STS: variants seen among roughly 807,000 people sequenced by gnomAD.
The protein encoded by STS is steryl-sulfatase.
A neutral mutation model predicts 26.8 loss-of-function variants in STS; 7 were observed. That is an observed-to-expected ratio of 0.26 (90% CI 0.15 to 0.49). The LOEUF is 0.49. Among genes scored for constraint, STS ranks in the 20% least tolerant of loss-of-function variants. The pLI, the probability that STS is intolerant of heterozygous loss-of-function variation, is 0.98. For synonymous variants in STS, 199 were observed against 189.4 expected (o/e 1.05, Z -0.42); for missense variants, 434 against 465.6 (o/e 0.93, Z 0.63).
intron 10 of STS, among the ~76,000 whole-genome samples, chrX:7,340,279 A>G (rs1928224129): frequency 9.0e-6 from 1 of 111,212 alleles, no homozygotes; most frequent in Non-Finnish European, 1.9e-5. Context: ...TTCTCCCGAA[A>G]TGTCTGCTTA....
chrX:7,333,456 TA>T (rs1927856759), intron 9 of STS, among the ~76,000 whole-genome samples: 1 of 112,129 alleles, frequency 8.9e-6, no homozygotes, highest in Non-Finnish European at 1.9e-5. Context: ...ATATATACAT[TA>T]ATTCATTCTA....
At chrX:7,322,025 G>T (rs1270689925) in intron 8 of STS, among the ~76,000 whole-genome samples, 2 of 112,430 alleles carry the variant, frequency 1.8e-5, no homozygotes, top group Non-Finnish European at 3.8e-5. Context: ...CCCTCTGAAG[G>T]TTTGCTAAAA....
intron 8 of STS, among the ~76,000 whole-genome samples, chrX:7,311,853 C>CA (rs1302953768): frequency 9.0e-6 from 1 of 110,572 alleles, no homozygotes; most frequent in Non-Finnish European, 1.9e-5. Flanking sequence ...ACTGTCTCTA[C>CA]AAAAAAACAG....
chrX:7,231,976 A>G (rs11798506), intron 2 of STS, among the ~76,000 whole-genome samples: 28,525 of 109,987 alleles, frequency 0.26, 2,889 homozygotes, highest in Admixed American at 0.42. Context: ...ATAACTTTAA[A>G]TTTGTTTTTT....
At chrX:7,328,911 G>A (rs1186050755) in intron 9 of STS, among the ~76,000 whole-genome samples, 1 of 111,325 alleles carries the variant, frequency 9.0e-6, no homozygotes, top group Non-Finnish European at 1.9e-5. Context: ...GGCCAGGCTG[G>A]TCTTGAACTC....
intron 1 of STS, among the ~76,000 whole-genome samples, chrX:7,174,879 G>A (rs1933535391): frequency 9.0e-6 from 1 of 110,998 alleles, no homozygotes. Flanking sequence ...TCCCCACCTG[G>A]CTTCACAAAG....
chrX:7,324,030 C>T (rs369627463), intron 8 of STS, among the ~76,000 whole-genome samples: 93 of 111,733 alleles, frequency 8.3e-4, no homozygotes, highest in East Asian at 1.7e-3. Flanking sequence ...GACACAGCCC[C>T]GGGAGATCCT....
At chrX:7,177,485 T>A (rs1933596390) in intron 1 of STS, among the ~76,000 whole-genome samples, 1 of 106,722 alleles carries the variant, frequency 9.4e-6, no homozygotes, top group African/African-American at 3.4e-5. Flanking sequence ...ATATATTTTT[T>A]TTTGGAGTTG....
chrX:7,258,129 GATAGATAGATA>G (rs1338778857), intron 5 of STS, among the ~76,000 whole-genome samples: 11 of 106,313 alleles, frequency 1.0e-4, no homozygotes, highest in Admixed American at 5.1e-4. Context: ...TAGATAGATA[GATAGATAGATA>G]GATAGATGCA....
intron 1 of STS, among the ~76,000 whole-genome samples, chrX:7,184,925 A>G (rs1318592161): frequency 8.9e-6 from 1 of 112,064 alleles, no homozygotes. Flanking sequence ...AACATCAGAG[A>G]GAGTCAATTC....
intron 10 of STS, 124 bp downstream of exon 10, chrX:7,334,231 C>A: frequency 1.0e-6 from 1 of 988,296 alleles, no homozygotes; most frequent in Non-Finnish European, 1.4e-6. Context: ...TCAATGTGCG[C>A]CCATGCTTTG....
chrX:7,339,382 C>T (rs766174503), intron 10 of STS, among the ~76,000 whole-genome samples: 1 of 112,500 alleles, frequency 8.9e-6, no homozygotes, highest in Non-Finnish European at 1.9e-5. Context: ...TATTTTCATC[C>T]TACTCTGTAA....
intron 5 of STS, among the ~76,000 whole-genome samples, chrX:7,258,320 GGA>G (rs1480741319): frequency 9.4e-6 from 1 of 106,432 alleles, no homozygotes; most frequent in Non-Finnish European, 2.0e-5. Flanking sequence ...ATAGATGCAG[GGA>G]GAGAGACAAA....
At chrX:7,273,379 G>T (rs925120427) in intron 6 of STS, among the ~76,000 whole-genome samples, 1 of 111,493 alleles carries the variant, frequency 9.0e-6, no homozygotes. Context: ...ATAGAGACCA[G>T]AACCCCTTCT....
At chrX:7,344,081 A>G (rs895230461) in intron 10 of STS, among the ~76,000 whole-genome samples, 2 of 112,183 alleles carry the variant, frequency 1.8e-5, no homozygotes, top group Non-Finnish European at 3.8e-5. Context: ...CATTTTATCA[A>G]AAATAAAGTT....
chrX:7,336,687 T>G (rs1928047556), intron 10 of STS, among the ~76,000 whole-genome samples: 1 of 112,387 alleles, frequency 8.9e-6, no homozygotes, highest in African/African-American at 3.2e-5. Context: ...AAATGAGAGC[T>G]CAAGGACTCT....
At position 7,210,597 on chromosome X, in the gene STS, GAATA is replaced by G. The variant is rs1169795983; in HGVS notation, c.-5+19594_-5+19597del. On this transcript the variant is annotated intron_variant, in intron 2 of 10. Transcript: ENST00000674429. ...GATGTATTTATATTTATACATAAATGAATAAATATTTTTATATTAAATGTATAAT... is the reference window on the plus strand; with the variant it reads ...GATGTATTTATATTTATACATAAATGAATATTTTTATATTAAATGTATAAT... Among the ~76,000 whole-genome samples, 36 of 103,768 alleles carry G rather than the reference GAATA, an allele frequency of 3.5e-4. 1 individual carries two copies. The highest frequency in any genetic ancestry group is 8.4e-4 in the Admixed American group (8 of 9,518). The allele number at this position is 103,768 out of a possible 115,157, so 90.1% of individuals were successfully genotyped here.
chrX:7,294,784 T>C (rs1217930283), intron 7 of STS, among the ~76,000 whole-genome samples: 1 of 111,823 alleles, frequency 8.9e-6, no homozygotes, highest in Admixed American at 9.5e-5. Flanking sequence ...GGATTGTGAA[T>C]TGAATTCAGA....
Position 7,351,216 on chromosome X carries a change from T to C in STS, c.*955T>C, listed in dbSNP as rs1782284147. 1 of 112,107 alleles carries C rather than the reference T, an allele frequency of 8.9e-6. No homozygotes were observed. Among genetic ancestry groups the C allele is most frequent in the Admixed American group, 9.5e-5 (1 of 10,567 alleles). 9.2% of individuals were successfully genotyped at this position (112,107 alleles called of 1,213,427 possible). A position where few individuals can be genotyped will look rare whatever the true frequency, so the allele number is the denominator to read the frequency against. On this transcript the variant is annotated 3_prime_UTR_variant, in exon 11 of 11. Coordinates refer to ENST00000674429, the MANE Select transcript of STS (RefSeq NM_001320752.2). ...CTCTTCCAGTGTAATTCAGAATCAT[T>C]GGCCTAGAAAGTCTCTGATATTTGG...
Sources: gnomAD v4.1 joint callset for allele counts (sites outside exome capture counted in the v4.1 genomes callset) on GRCh38, gnomAD v4.1.1 for gene constraint, MANE v1.5 for transcripts, NCBI Gene and HGNC (gene_info 2026-07-23, HGNC 2026-07-21) for gene names.